The following ERMP1 variants were observed in gnomAD, a reference collection of about 807,000 sequenced individuals.
The protein encoded by ERMP1 is Felix-ina.
A neutral mutation model predicts 92.0 loss-of-function variants in ERMP1; 86 were observed. The ratio of observed to expected loss-of-function variants is 0.93; its 90% confidence interval spans 0.79 to 1.12. The LOEUF is 1.12. ERMP1 is among the 50% of genes most tolerant of loss of function. The probability of loss-of-function intolerance (pLI) is 0.00; values close to 1 mark genes in which losing one functional copy is unlikely to be tolerated. For synonymous variants in ERMP1, 530 were observed against 412.8 expected, an observed-to-expected ratio of 1.28 and a Z score of -3.44; for missense variants, 1,342 against 1,116.3, an observed-to-expected ratio of 1.20 and a Z score of -2.88.
intron 6 of ERMP1, among the ~76,000 whole-genome samples, chr9:5,840,274 C>T (rs895253735): frequency 2.0e-5 from 3 of 151,638 alleles, no homozygotes; most frequent in African/African-American, 4.9e-5. Flanking sequence ...GAAGAGAGAA[C>T]GGAAGGAAGG....
At chr9:5,834,973 ATAGATGTGTG>A (rs1830071680), upstream of ERMP1, among the ~76,000 whole-genome samples, 3 of 124,766 alleles carry the variant, frequency 2.4e-5, no homozygotes, top group Non-Finnish European at 3.4e-5. Context: ...AGATGGATAG[ATAGATGTGTG>A]TGTGTGTGTG....
chr9:5,840,365 T>C (rs984560317), intron 6 of ERMP1, among the ~76,000 whole-genome samples: 2 of 152,172 alleles, frequency 1.3e-5, no homozygotes, highest in African/African-American at 4.8e-5. Flanking sequence ...CTGTGATTCC[T>C]ACATAAGCTA....
chr9:5,830,839 A>G lies in ERMP1; in HGVS notation c.528T>C (p.Phe176=), dbSNP rs1235130329. Residue 176 remains phenylalanine, a synonymous_variant, in exon 2 of 15, where the codon TTT becomes TTC. Transcript: ENST00000339450. ...TGGTGATGTTGTCATAATAGCTTGT[A>G]AAACCTCCCAAGAAATCAATGCTAA... The part of the protein sequence containing the change: ...GSFSIDFLGG[F]TSYYDNITNV... 2 of 1,614,092 alleles carry G rather than the reference A, an allele frequency of 1.2e-6. No homozygotes were observed. The highest frequency in any genetic ancestry group is 8.5e-7 in the Non-Finnish European group (1 of 1,179,946).
intron 8 of ERMP1, among the ~76,000 whole-genome samples, chr9:5,807,262 T>A (rs60766148): frequency 1.3e-5 from 2 of 152,208 alleles, no homozygotes; most frequent in Admixed American, 6.5e-5. Flanking sequence ...AACATTTTAA[T>A]AGTGGCCCCA....
intron 6 of ERMP1, among the ~76,000 whole-genome samples, chr9:5,842,169 G>C (rs1262947566): frequency 1.3e-5 from 2 of 152,150 alleles, no homozygotes; most frequent in East Asian, 1.9e-4. Context: ...CTGCTGGCTG[G>C]GGTGGCCAGC....
Position 5,825,176 on chromosome 9 carries a change from G to T in ERMP1, c.684C>A (p.Val228=), listed in dbSNP as rs369956127. The T allele has an allele frequency of 6.2e-7, 1 of 1,614,054 alleles. No homozygotes were observed. The highest frequency in any genetic ancestry group is 8.5e-7 in the Non-Finnish European group (1 of 1,179,960). Residue 228 remains valine (V), a synonymous_variant, in exon 3 of 15, where the codon GTC becomes GTA. Transcript: ENST00000339450. ...DAVSCSVMLE[V]LRVLSTSSEA... ...CTGAAGATGTTGACAAGACGCGAAGGACTTCCAGCATCACTGAGCAGCTAA... is the reference window on the plus strand; with the variant it reads ...CTGAAGATGTTGACAAGACGCGAAGTACTTCCAGCATCACTGAGCAGCTAA...
chr9:5,831,519 G>A (rs754003248), intron 1 of ERMP1, among the ~76,000 whole-genome samples: 3 of 152,060 alleles, frequency 2.0e-5, no homozygotes, highest in South Asian at 2.1e-4. Flanking sequence ...GAGGTGGGAG[G>A]ACTGCTTGAA....
At chr9:5,790,262 C>G (rs950154240) in intron 13 of ERMP1, among the ~76,000 whole-genome samples, 2 of 150,764 alleles carry the variant, frequency 1.3e-5, no homozygotes, top group South Asian at 4.2e-4. Context: ...TCACTGCAAC[C>G]TCTGCCTCCC....
rs372271531 is a variant in ERMP1, at chr9:5,844,105, GA to G, written n.3200-10794del. Among the ~76,000 whole-genome samples, 44 of 152,052 alleles carry G rather than the reference GA, an allele frequency of 2.9e-4. 1 individual carries two copies. Among genetic ancestry groups the G allele is most frequent in the African/African-American group, 9.2e-4 (38 of 41,464 alleles). ...CATACATTTCCTTACCAGGGGTAAG[GA>G]AAAAAATCTTTCCTCTTAAAATTAG... On this transcript the variant is annotated intron_variant and non_coding_transcript_variant, in intron 6 of 6. Transcript: ENST00000690753.
At chr9:5,803,046 C>T (rs1030942144) in intron 10 of ERMP1, among the ~76,000 whole-genome samples, 2 of 152,042 alleles carry the variant, frequency 1.3e-5, no homozygotes, top group Non-Finnish European at 2.9e-5. Context: ...AACAAACAAA[C>T]AAACAAACAA....
intron 12 of ERMP1, 56 bp downstream of exon 12, chr9:5,798,750 T>A: frequency 9.2e-7 from 1 of 1,088,970 alleles, no homozygotes; most frequent in Non-Finnish European, 1.4e-6. Flanking sequence ...AGAGTACTGA[T>A]ATGGTGACAA....
upstream of ERMP1, chr9:5,833,237 C>A: frequency 2.0e-6 from 1 of 490,794 alleles, no homozygotes; most frequent in Non-Finnish European, 3.5e-6. Flanking sequence ...GACCCAGCAG[C>A]GGGTGGTGGA....
At chr9:5,844,815 G>A (rs1236244962) in intron 6 of ERMP1, among the ~76,000 whole-genome samples, 2 of 152,170 alleles carry the variant, frequency 1.3e-5, no homozygotes, top group African/African-American at 4.8e-5. Context: ...CAAGTTTTCT[G>A]GTTGTGAACC....
At chr9:5,863,363 C>T (rs1830558346) in intron 5 of ERMP1, among the ~76,000 whole-genome samples, 1 of 152,166 alleles carries the variant, frequency 6.6e-6, no homozygotes, top group South Asian at 2.1e-4. Flanking sequence ...TTTCCATCAC[C>T]ACAACATTCT....
intron 6 of ERMP1, among the ~76,000 whole-genome samples, chr9:5,847,057 G>A (rs1441307895): frequency 1.3e-5 from 2 of 152,182 alleles, no homozygotes; most frequent in East Asian, 3.8e-4. Context: ...GCAGCCCATA[G>A]GCAGCCCTCA....
In ERMP1 at chr9:5,805,089, G is replaced by C. The variant is rs937598519; in HGVS notation, c.1852C>G (p.Pro618Ala). ...ATGGATGCCAGCACAACATCAGGTG[G>C]GATTTCAGAACCACTTCTCCCGAGG... ...PILGRSGSEI[P>A]PDVVLASILA... is the part of the protein sequence containing the mutation. Residue 618 changes from proline to alanine, a missense_variant, in exon 10 of 15, where the codon CCA becomes GCA. Pro to Ala is a conservative substitution (Grantham distance 27). Coordinates refer to ENST00000339450, the MANE Select transcript of ERMP1 (RefSeq NM_024896.3). 4 of 1,613,176 alleles carry C rather than the reference G, an allele frequency of 2.5e-6. No homozygotes were observed. Among genetic ancestry groups the C allele is most frequent in the Admixed American group, 3.3e-5 (2 of 59,878 alleles).
intron 13 of ERMP1, among the ~76,000 whole-genome samples, chr9:5,788,602 T>C (rs1294321066): frequency 1.3e-5 from 2 of 152,064 alleles, no homozygotes; most frequent in African/African-American, 4.8e-5. Context: ...AAGGAAGCCA[T>C]TGCTAGAAAT....
At chr9:5,843,886 A>G (rs1830200757) in intron 6 of ERMP1, among the ~76,000 whole-genome samples, 1 of 152,002 alleles carries the variant, frequency 6.6e-6, no homozygotes, top group Admixed American at 6.6e-5. Context: ...ATGCAGCTGT[A>G]TTTACTCTTC....
chr9:5,864,276 G>T (rs10758712), intron 5 of ERMP1, among the ~76,000 whole-genome samples: 84,601 of 151,830 alleles, frequency 0.56, 24,723 homozygotes, highest in South Asian at 0.68. Context: ...TGTTCCTCTA[G>T]TCTCCCTATC....
Sources: allele counts gnomAD v4.1 joint callset (sites outside exome capture counted in the v4.1 genomes callset), GRCh38; gene constraint gnomAD v4.1.1; transcripts MANE v1.5; gene names NCBI Gene and HGNC (gene_info 2026-07-23, HGNC 2026-07-21).